CPEB1: variants seen among roughly 807,000 people sequenced by gnomAD.
The protein encoded by CPEB1 is cytoplasmic polyadenylation element binding protein 1.
CPEB1 carries 7 observed loss-of-function variants against 65.8 expected under a neutral mutation model. That is an observed-to-expected ratio of 0.11 (90% CI 0.06 to 0.20). The LOEUF (loss-of-function observed/expected upper bound fraction) is 0.20. Among genes scored for constraint, CPEB1 ranks in the 10% least tolerant of loss-of-function variants. The pLI is 1.00. For missense variants in CPEB1, 551 were observed against 712.2 expected (o/e 0.77, Z 2.58); for synonymous variants, 262 against 260.0 (o/e 1.01, Z -0.08).
chr15:82,597,793 C>A (rs1321548379), intron 3 of CPEB1, among the ~76,000 whole-genome samples: 1 of 152,158 alleles, frequency 6.6e-6, no homozygotes, highest in Non-Finnish European at 1.5e-5. Context: ...CGACTCCAGC[C>A]TGCATGACAA....
intron 3 of CPEB1, among the ~76,000 whole-genome samples, chr15:82,586,785 T>C (rs1182727036): frequency 1.3e-5 from 2 of 152,222 alleles, no homozygotes; most frequent in South Asian, 2.1e-4. Flanking sequence ...CGACATGGAA[T>C]TGCACAGGTG....
At chr15:82,625,138 CA>C (rs1402448150) in intron 3 of CPEB1, among the ~76,000 whole-genome samples, 1 of 152,170 alleles carries the variant, frequency 6.6e-6, no homozygotes, top group Non-Finnish European at 1.5e-5. Context: ...CTTACTGGGA[CA>C]TAATACATGC....
rs35946080 is a variant in CPEB1, at chr15:82,544,272, G to GTTTTTTTTTTTTTTTTTTT, written c.*301_*319dup. ...TACCTCAATACCTTCTGGACACGTAGTTTTTTTTTTTTTTTTTTTTTTCCC... is the reference window on the plus strand; with the variant it reads ...TACCTCAATACCTTCTGGACACGTAGTTTTTTTTTTTTTTTTTTTTTTTTTTTTTTTTTTTTTTTTTCCC... On this transcript the variant is annotated 3_prime_UTR_variant, in exon 13 of 13. Transcript: ENST00000684509. The GTTTTTTTTTTTTTTTTTTT allele has an allele frequency of 7.6e-6, 1 of 130,764 alleles. No homozygotes were observed. Among genetic ancestry groups the GTTTTTTTTTTTTTTTTTTT allele is most frequent in the African/African-American group, 3.2e-5 (1 of 31,270 alleles). The allele number at this position is 130,764 out of a possible 1,614,324, so 8.1% of individuals were successfully genotyped here. A position where few individuals can be genotyped will look rare whatever the true frequency, so the allele number is the denominator to read the frequency against.
chr15:82,551,341 C>A (rs1358987268), intron 9 of CPEB1, among the ~76,000 whole-genome samples: 2 of 152,154 alleles, frequency 1.3e-5, no homozygotes, highest in Non-Finnish European at 2.9e-5. Context: ...TCTCTGCCCC[C>A]ACACTTGCGT....
At chr15:82,556,834 G>A (rs146016178) in intron 5 of CPEB1, among the ~76,000 whole-genome samples, 6 of 152,274 alleles carry the variant, frequency 3.9e-5, no homozygotes, top group Middle Eastern at 3.4e-3. Flanking sequence ...AGCCTTAACA[G>A]ATAAAACCAA....
At chr15:82,556,171 A>C in intron 5 of CPEB1, 49 bp from the exon 6 acceptor site, 1 of 1,529,796 alleles carries the variant, frequency 6.5e-7, no homozygotes, top group Non-Finnish European at 8.7e-7. Flanking sequence ...GTTTTGTTAT[A>C]AAGTAATAAT....
chr15:82,639,979 T>C (rs964253759), intron 1 of CPEB1, among the ~76,000 whole-genome samples: 18 of 152,176 alleles, frequency 1.2e-4, no homozygotes, highest in African/African-American at 3.4e-4. Context: ...GAAAAGAACA[T>C]TGGAAGCTTG....
At chr15:82,600,897 CTTTTTTTT>C (rs751843256) in intron 3 of CPEB1, among the ~76,000 whole-genome samples, 841 of 64,234 alleles carry the variant, frequency 0.013, 11 homozygotes, top group Non-Finnish European at 0.015. Context: ...CAGAACTTGT[CTTTTTTTT>C]TTTTTTTTTT....
chr15:82,624,303 A>C (rs1484834821), intron 3 of CPEB1, among the ~76,000 whole-genome samples: 1 of 152,146 alleles, frequency 6.6e-6, no homozygotes, highest in East Asian at 1.9e-4. Context: ...GCTACCTTTG[A>C]CAGAAACCTT....
intron 3 of CPEB1, among the ~76,000 whole-genome samples, chr15:82,624,915 G>A (rs190111937): frequency 3.8e-4 from 58 of 151,740 alleles, no homozygotes; most frequent in Middle Eastern, 6.8e-3. Context: ...ACAGTTCACC[G>A]CAGTCTCGAC....
chr15:82,555,958 A>G lies in CPEB1; in HGVS notation c.852T>C (p.Ala284=). 1 of 1,613,568 alleles carries G rather than the reference A, an allele frequency of 6.2e-7. No individual in the cohort carries two copies. The highest frequency in any genetic ancestry group is 8.5e-7 in the Non-Finnish European group (1 of 1,179,808). Residue 284 remains alanine (A), a synonymous_variant, in exon 6 of 13, where the codon GCT becomes GCC. Coordinates refer to ENST00000684509, the MANE Select transcript of CPEB1 (RefSeq NM_001365242.1). ...PTSASKRWPG[A]SVWPSWDLLE... ...GGAGGTCCCAGGATGGCCACACAGA[A>G]GCTCCTGGCCATCTCTTTGAAGCAC...
At chr15:82,574,872 T>A (rs919175769) in intron 3 of CPEB1, among the ~76,000 whole-genome samples, 1 of 152,158 alleles carries the variant, frequency 6.6e-6, no homozygotes, top group Non-Finnish European at 1.5e-5. Context: ...CATTGTAAGT[T>A]GAAAATATTA....
At chr15:82,594,823 T>C (rs891558169) in intron 3 of CPEB1, among the ~76,000 whole-genome samples, 2 of 148,902 alleles carry the variant, frequency 1.3e-5, no homozygotes, top group Non-Finnish European at 3.0e-5. Flanking sequence ...ATTTTCCTAA[T>C]TTCAATTTTG....
intron 3 of CPEB1, among the ~76,000 whole-genome samples, chr15:82,613,268 C>G (rs559370567): frequency 3.2e-4 from 49 of 152,240 alleles, no homozygotes; most frequent in Non-Finnish European, 5.1e-4. Context: ...GTATTCTTTC[C>G]TGAATGTTAT....
chr15:82,549,624 T>C lies in CPEB1; in HGVS notation c.1316A>G (p.Asn439Ser). 6.2e-7 allele frequency: 1 copy of C among 1,614,096 alleles called. No homozygotes were observed. Among genetic ancestry groups the C allele is most frequent in the Non-Finnish European group, 8.5e-7 (1 of 1,180,016 alleles). The change falls in exon 10 of 13, where the codon AAC (asparagine) becomes AGC (serine). Residue 439 changes from asparagine to serine, a missense_variant. Physicochemically the swap from Asn to Ser is conservative, Grantham distance 46. Transcript: ENST00000684509. ...QVIPWVLADSNFVRSPSQRLD... is the reference protein window; with the variant it reads ...QVIPWVLADSSFVRSPSQRLD... ...CCTCTGAGATGGGCTCCGGACAAAG[T>C]TACTGTCGGCTAATACCCAGGGGAT...
chr15:82,587,677 A>G (rs2041909435), intron 3 of CPEB1, among the ~76,000 whole-genome samples: 1 of 152,234 alleles, frequency 6.6e-6, no homozygotes. Flanking sequence ...AAAAATTCAG[A>G]TAATTTTAAG....
chr15:82,621,837 C>T (rs76307081), intron 3 of CPEB1, among the ~76,000 whole-genome samples: 2,299 of 152,234 alleles, frequency 0.015, 32 homozygotes, highest in South Asian at 0.032. Flanking sequence ...CAGTGCTAAA[C>T]CTTACTTAGG....
chr15:82,589,682 C>T (rs1180506135), intron 3 of CPEB1, among the ~76,000 whole-genome samples: 3 of 151,644 alleles, frequency 2.0e-5, no homozygotes. Context: ...GATTGCACCA[C>T]TGTACTCCAG....
chr15:82,557,501 C>G, intron 5 of CPEB1: 1 of 437,500 alleles, frequency 2.3e-6, no homozygotes, highest in Non-Finnish European at 4.0e-6. Flanking sequence ...TTTTCCAGTA[C>G]TCTTGGAGTA....
Sources: gnomAD v4.1 joint callset for allele counts (sites outside exome capture counted in the v4.1 genomes callset) on GRCh38, gnomAD v4.1.1 for gene constraint, MANE v1.5 for transcripts, NCBI Gene and HGNC (gene_info 2026-07-23, HGNC 2026-07-21) for gene names.